Variants in STX8 observed in about 807,000 individuals in gnomAD.
The protein encoded by STX8 is syntaxin 8.
STX8 carries 23 observed loss-of-function variants against 37.5 expected under a neutral mutation model. The ratio of observed to expected loss-of-function variants is 0.61; its 90% confidence interval spans 0.44 to 0.87. The LOEUF is 0.87. Among genes scored for constraint, STX8 ranks in the 40% least tolerant of loss-of-function variants. The pLI, the probability that STX8 is intolerant of heterozygous loss-of-function variation, is 0.00. For missense variants in STX8, 313 were observed against 284.7 expected, an observed-to-expected ratio of 1.10 and a Z score of -0.71; for synonymous variants, 115 against 99.1, an observed-to-expected ratio of 1.16 and a Z score of -0.95.
At position 9,557,554 on chromosome 17, in the gene STX8, G is replaced by A. The variant is rs139099180; in HGVS notation, c.118-26C>T. The A allele has an allele frequency of 1.2e-4, 186 of 1,599,468 alleles. 1 individual carries two copies. In the African/African-American group the frequency reaches 1.8e-3, roughly 16 times the overall value. ...CTGAAAAGAAAAGAACACATCCTAA[G>A]TATTCTAGTCCAGAATGTAGAATCC... On this transcript the variant is annotated intron_variant, in intron 2 of 7. Transcript: ENST00000306357.
At chr17:9,312,604 T>C (rs1026200628) in intron 7 of STX8, among the ~76,000 whole-genome samples, 3 of 152,116 alleles carry the variant, frequency 2.0e-5, no homozygotes, top group African/African-American at 7.2e-5. Context: ...ACTCACTGAG[T>C]TGAGGCTTAT....
intron 6 of STX8, among the ~76,000 whole-genome samples, chr17:9,388,658 C>A (rs994982323): frequency 6.6e-6 from 1 of 151,656 alleles, no homozygotes; most frequent in African/African-American, 2.4e-5. Flanking sequence ...ACAAAATCAG[C>A]CGGGTGTGGT....
rs75776748 is a variant in STX8 at position 9,329,444 on chromosome 17, C to T, written c.643+49108G>A. On this transcript the variant is annotated intron_variant, in intron 7 of 7. Coordinates refer to ENST00000306357, the MANE Select transcript of STX8 (RefSeq NM_004853.3). The stretch of plus-strand genomic sequence containing the variant: ...TGGCATCACGGCTATTTCTACAGTG[C>T]CACTTGGCTGGCTGGGTGATTTTCC... Among the ~76,000 whole-genome samples the T allele has an allele frequency of 2.8e-3, 422 of 152,326 alleles. 4 individuals are homozygous for T. Among genetic ancestry groups the T allele is most frequent in the African/African-American group, 9.5e-3 (393 of 41,570 alleles).
intron 6 of STX8, among the ~76,000 whole-genome samples, chr17:9,479,896 G>C (rs1271402125): frequency 6.6e-6 from 1 of 151,950 alleles, no homozygotes; most frequent in African/African-American, 2.4e-5. Flanking sequence ...TGACTGACTG[G>C]CCTTCTCTCA....
chr17:9,335,168 C>A (rs1910096441), intron 7 of STX8, among the ~76,000 whole-genome samples: 1 of 152,154 alleles, frequency 6.6e-6, no homozygotes, highest in African/African-American at 2.4e-5. Context: ...ACTGTGTGAT[C>A]CAACCCTAGC....
chr17:9,386,962 C>A (rs1393957208), intron 6 of STX8, among the ~76,000 whole-genome samples: 1 of 151,944 alleles, frequency 6.6e-6, no homozygotes, highest in Non-Finnish European at 1.5e-5. Flanking sequence ...CTCCACCTCC[C>A]GGGTTCAAAC....
At chr17:9,321,269 C>T (rs865819137) in intron 7 of STX8, among the ~76,000 whole-genome samples, 1 of 152,078 alleles carries the variant, frequency 6.6e-6, no homozygotes, top group Admixed American at 6.5e-5. Flanking sequence ...GTGGCTGACG[C>T]CTGTAATCCC....
rs539550985 is a variant in STX8, at chr17:9,266,012, T to C, written c.644-15367A>G. Among the ~76,000 whole-genome samples the C allele has an allele frequency of 3.0e-3, 456 of 152,146 alleles. 3 individuals carry two copies. The highest frequency in any genetic ancestry group is 9.6e-3 in the African/African-American group (399 of 41,518). ...TACCAGGGAGGGAGTGCTGATATGG[T>C]CCATAAACCAGACATCCTAGAGTGG... On this transcript the variant is annotated intron_variant, in intron 7 of 7. Coordinates refer to ENST00000306357, the MANE Select transcript of STX8 (RefSeq NM_004853.3).
intron 7 of STX8, among the ~76,000 whole-genome samples, chr17:9,356,635 G>A (rs962210741): frequency 1.3e-5 from 2 of 152,196 alleles, no homozygotes; most frequent in African/African-American, 2.4e-5. Flanking sequence ...AGAGGGGTGA[G>A]GCTGTTCCTC....
chr17:9,536,554 AC>A lies in STX8; in HGVS notation c.323+8617del, dbSNP rs138276491. Among the ~76,000 whole-genome samples, 1,343 of 152,262 alleles carry A rather than the reference AC, an allele frequency of 8.8e-3. 26 individuals carry two copies. Among genetic ancestry groups the A allele is most frequent in the African/African-American group, 0.03 (1,251 of 41,536 alleles). On this transcript the variant is annotated intron_variant, in intron 4 of 7. Transcript: ENST00000306357. ...CAATCGTCAGTCAGAGTGGGTCAGG[AC>A]AATAAGCACAACCTGCTTTTCCAGA...
chr17:9,350,216 A>AG (rs1910661859), intron 7 of STX8, among the ~76,000 whole-genome samples: 1 of 140,962 alleles, frequency 7.1e-6, no homozygotes. Context: ...ACGCTGGACA[A>AG]GGGGATGATT....
intron 7 of STX8, among the ~76,000 whole-genome samples, chr17:9,253,243 T>TGTGTGTGA (rs1164841771): frequency 6.6e-6 from 1 of 151,070 alleles, no homozygotes; most frequent in Non-Finnish European, 1.5e-5. Flanking sequence ...TGTGTGTGTG[T>TGTGTGTGA]GAATATCTTA....
At chr17:9,529,884 G>A (rs1905743671) in intron 4 of STX8, among the ~76,000 whole-genome samples, 1 of 152,166 alleles carries the variant, frequency 6.6e-6, no homozygotes, top group African/African-American at 2.4e-5. Flanking sequence ...GGAGACTGAG[G>A]TGGGAGAATC....
intron 7 of STX8, among the ~76,000 whole-genome samples, chr17:9,340,025 G>A (rs1015298339): frequency 4.6e-5 from 7 of 152,198 alleles, no homozygotes; most frequent in Non-Finnish European, 8.8e-5. Context: ...TGACGCAACC[G>A]CGGGATCCTC....
At chr17:9,266,287 G>C (rs1481003954) in intron 7 of STX8, among the ~76,000 whole-genome samples, 1 of 152,178 alleles carries the variant, frequency 6.6e-6, no homozygotes, top group Non-Finnish European at 1.5e-5. Flanking sequence ...CCCAGCCAGC[G>C]CACCGGAGCC....
At chr17:9,265,276 G>T (rs757751380) in intron 7 of STX8, among the ~76,000 whole-genome samples, 12 of 152,216 alleles carry the variant, frequency 7.9e-5, no homozygotes, top group East Asian at 1.9e-4. Context: ...CCAGTTCCAG[G>T]GCAAGAGGTT....
chr17:9,334,578 G>A (rs1383164023), intron 7 of STX8, among the ~76,000 whole-genome samples: 2 of 151,644 alleles, frequency 1.3e-5, no homozygotes, highest in African/African-American at 4.8e-5. Context: ...AGTGAGAAAA[G>A]TAAGTCTCGA....
intron 7 of STX8, among the ~76,000 whole-genome samples, chr17:9,314,985 C>T (rs1251560441): frequency 6.6e-6 from 1 of 151,306 alleles, no homozygotes; most frequent in East Asian, 2.0e-4. Flanking sequence ...ACCTGTAGTC[C>T]CAGCTACTTG....
chr17:9,411,058 T>C (rs532065497), intron 6 of STX8, among the ~76,000 whole-genome samples: 6 of 152,324 alleles, frequency 3.9e-5, no homozygotes, highest in African/African-American at 1.4e-4. Flanking sequence ...AATTCTTACC[T>C]ACCTGTGTTT....
Sources: gnomAD v4.1 joint callset for allele counts (sites outside exome capture counted in the v4.1 genomes callset) on GRCh38, gnomAD v4.1.1 for gene constraint, MANE v1.5 for transcripts, NCBI Gene and HGNC (gene_info 2026-07-23, HGNC 2026-07-21) for gene names.